The following KLC4 variants were observed in gnomAD, a reference collection of about 807,000 sequenced individuals.
KLC4 encodes the protein kinesin-like protein 8.
Under a neutral mutation model 77.2 loss-of-function variants are expected in KLC4, and 49 were observed. That is an observed-to-expected ratio of 0.63 (90% CI 0.50 to 0.80). The LOEUF (loss-of-function observed/expected upper bound fraction) is 0.80, where lower values mean the gene tolerates loss of function less well. KLC4 is among the 30% of genes least tolerant of loss of function. KLC4 has a pLI of 0.00. For synonymous variants in KLC4, 274 were observed against 314.5 expected, an observed-to-expected ratio of 0.87 and a Z score of 1.36; for missense variants, 669 against 793.5, an observed-to-expected ratio of 0.84 and a Z score of 1.89.
At chr6:43,070,276 C>T in intron 6 of KLC4, 78 bp from the exon 7 acceptor site, 1 of 939,310 alleles carries the variant, frequency 1.1e-6, no homozygotes, top group Non-Finnish European at 1.7e-6. Flanking sequence ...TTGGGCCCTG[C>T]TGGGAGGTGG....
At chr6:43,074,073 G>A (rs1561922490) in intron 15 of KLC4, 108 bp downstream of exon 15, 1 of 820,738 alleles carries the variant, frequency 1.2e-6, no homozygotes, top group East Asian at 2.6e-5. Flanking sequence ...CATCTGGGAT[G>A]AAGATGAGCC....
chr6:43,064,748 G>A (rs1234966106), intron 3 of KLC4, among the ~76,000 whole-genome samples: 1 of 152,212 alleles, frequency 6.6e-6, no homozygotes, highest in Non-Finnish European at 1.5e-5. Context: ...GAATTGCATA[G>A]GACACATTGG....
intron 5 of KLC4, among the ~76,000 whole-genome samples, 168 bp downstream of exon 5, chr6:43,066,693 T>A (rs1765450721): frequency 6.6e-6 from 1 of 152,158 alleles, no homozygotes; most frequent in Non-Finnish European, 1.5e-5. Context: ...ACTTTTCCCA[T>A]ACCTAAGCAT....
chr6:43,067,199 A>G (rs777870276), intron 6 of KLC4, 116 bp downstream of exon 6: 104 of 1,470,808 alleles, frequency 7.1e-5, no homozygotes, highest in Non-Finnish European at 9.1e-5. Context: ...GTGCTGAGGA[A>G]GGAGGCATAA....
Position 43,074,752 on chromosome 6 carries a change from C to T in KLC4, c.*80C>T, listed in dbSNP as rs1234870476. On this transcript the variant is annotated 3_prime_UTR_variant, in exon 16 of 16. Transcript: ENST00000347162. ...GCATTCCCCATTGCTCCTGGCTCTT[C>T]CCCACCCCTAGGTGGGACAGTGAAG... 8.4e-7 allele frequency: 1 copy of T among 1,193,984 alleles called. No homozygotes were observed. The highest frequency in any genetic ancestry group is 1.7e-5 in the Admixed American group (1 of 58,708). The allele number at this position is 1,193,984 out of a possible 1,614,324, so 74.0% of individuals were successfully genotyped here.
chr6:43,065,515 TCTC>T (rs974403327), intron 3 of KLC4, 102 bp from the exon 4 acceptor site: 8 of 730,760 alleles, frequency 1.1e-5, no homozygotes, highest in African/African-American at 8.7e-5. Flanking sequence ...ACAACAGTCT[TCTC>T]CTAGGTCCCA....
At chr6:43,071,826 CT>C (rs762496363) in intron 10 of KLC4, 25 bp from the exon 11 acceptor site, 2 of 1,607,946 alleles carry the variant, frequency 1.2e-6, no homozygotes. Context: ...CCCTGCCCTT[CT>C]TTCTGGCCTC....
intron 13 of KLC4, 49 bp from the exon 14 acceptor site, chr6:43,073,174 C>T: frequency 6.7e-7 from 1 of 1,499,936 alleles, no homozygotes; most frequent in East Asian, 2.3e-5. Flanking sequence ...CTCAGAAACC[C>T]ATCTGTGTGG....
chr6:43,063,331 G>C (rs554878284), intron 3 of KLC4, among the ~76,000 whole-genome samples, 184 bp downstream of exon 3: 1 of 152,316 alleles, frequency 6.6e-6, no homozygotes, highest in African/African-American at 2.4e-5. Context: ...ACAATATTCA[G>C]GTAATTCAGT....
Position 43,071,153 on chromosome 6 carries a change from A to G in KLC4, c.1156-122A>G, listed in dbSNP as rs1392559871. On this transcript the variant is annotated intron_variant, in intron 8 of 15. Coordinates refer to ENST00000347162, the MANE Select transcript of KLC4 (RefSeq NM_201521.3). ...GAGAAAGATCTCTGGGGAAAGTGAG[A>G]GAGACACTGAGAAGTGGAACTCCCT... 14 of 659,026 alleles carry G rather than the reference A, an allele frequency of 2.1e-5. No individual in the cohort carries two copies. In the East Asian group the frequency reaches 3.8e-4, roughly 18 times the overall value. 40.8% of individuals were successfully genotyped at this position (659,026 alleles called of 1,614,324 possible).
chr6:43,068,881 T>A (rs1582017755), intron 6 of KLC4, among the ~76,000 whole-genome samples: 1 of 151,106 alleles, frequency 6.6e-6, no homozygotes, highest in South Asian at 2.1e-4. Context: ...GCCGAGGTGG[T>A]CGGATCACCT....
At position 43,073,286 on chromosome 6, in the gene KLC4, A is replaced by G; in HGVS notation, c.1693A>G (p.Ser565Gly). 1 of 1,614,180 alleles carries G rather than the reference A, an allele frequency of 6.2e-7. No individual in the cohort carries two copies. The highest frequency in any genetic ancestry group is 8.5e-7 in the Non-Finnish European group (1 of 1,180,032). ...LGKIRDVLRR[S>G]SELLVRKLQG... ...CAAGATCCGGGATGTGCTCCGCAGAAGCAGTGAACTCTTGGTGAGGAAGCT... is the reference window on the plus strand; with the variant it reads ...CAAGATCCGGGATGTGCTCCGCAGAGGCAGTGAACTCTTGGTGAGGAAGCT... The change falls in exon 14 of 16, where the codon AGC becomes GGC. Residue 565 changes from serine (S) to glycine (G), a missense_variant. Transcript: ENST00000347162.
At chr6:43,065,119 G>C (rs1178796663) in intron 3 of KLC4, among the ~76,000 whole-genome samples, 1 of 151,898 alleles carries the variant, frequency 6.6e-6, no homozygotes, top group Non-Finnish European at 1.5e-5. Flanking sequence ...TTGTTGCCCA[G>C]GCTGGAGTGC....
chr6:43,063,245 C>T (rs539122466), intron 3 of KLC4, 98 bp downstream of exon 3: 2 of 854,398 alleles, frequency 2.3e-6, no homozygotes, highest in Non-Finnish European at 3.7e-6. Flanking sequence ...TCCATCAGCT[C>T]TACCCAACCT....
intron 2 of KLC4, among the ~76,000 whole-genome samples, chr6:43,062,369 C>T (rs1008284694): frequency 2.0e-5 from 3 of 152,320 alleles, no homozygotes; most frequent in South Asian, 2.1e-4. Context: ...CTCAGCCTCC[C>T]GAGTAGCTGG....
intron 4 of KLC4, 28 bp downstream of exon 4, chr6:43,065,729 G>T: frequency 6.5e-7 from 1 of 1,535,652 alleles, no homozygotes; most frequent in Non-Finnish European, 9.0e-7. Flanking sequence ...ATGGGAGGGT[G>T]AAAAGGGGCA....
chr6:43,066,541 C>T lies in KLC4; in HGVS notation c.791+16C>T, dbSNP rs1331484548. The stretch of plus-strand genomic sequence containing the variant: ...TGGTGTATCGGTGAGGACTTCCCTC[C>T]TCCAGTGCCCAGATCTTCCCCCACA... On this transcript the variant is annotated intron_variant, in intron 5 of 15. Transcript: ENST00000347162. The T allele has an allele frequency of 1.9e-6, 3 of 1,597,778 alleles. No individual in the cohort carries two copies. The highest frequency in any genetic ancestry group is 2.6e-6 in the Non-Finnish European group (3 of 1,167,044).
chr6:43,062,167 A>C (rs1347343866), intron 2 of KLC4, among the ~76,000 whole-genome samples: 2 of 152,222 alleles, frequency 1.3e-5, no homozygotes, highest in African/African-American at 2.4e-5. Flanking sequence ...AGCAAGGTAG[A>C]AAATTAAGTC....
chr6:43,059,716 G>T, intron 1 of KLC4, 31 bp downstream of exon 1: 1 of 1,276,288 alleles, frequency 7.8e-7, no homozygotes, highest in Non-Finnish European at 9.9e-7. Flanking sequence ...TGGGGCTGAA[G>T]GTTAAGGTCT....
Sources: gnomAD v4.1 joint callset for allele counts (sites outside exome capture counted in the v4.1 genomes callset) on GRCh38, gnomAD v4.1.1 for gene constraint, MANE v1.5 for transcripts, NCBI Gene and HGNC (gene_info 2026-07-23, HGNC 2026-07-21) for gene names.